The following RIMS2 variants were observed in gnomAD, a reference collection of about 807,000 sequenced individuals.
RIMS2 encodes the protein regulating synaptic membrane exocytosis protein 2.
In RIMS2, 59 loss-of-function variants were observed where a neutral mutation model predicts 174.4. That is an observed-to-expected ratio of 0.34 (90% CI 0.27 to 0.42). The LOEUF is 0.42. Among genes scored for constraint, RIMS2 ranks in the 10% least tolerant of loss-of-function variants. The pLI is 1.00. For missense variants in RIMS2, 1,620 were observed against 1,666.3 expected, an observed-to-expected ratio of 0.97 and a Z score of 0.48; for synonymous variants, 606 against 572.5, an observed-to-expected ratio of 1.06 and a Z score of -0.84.
Position 103,972,420 on chromosome 8 carries a change from C to T in RIMS2, c.2771-2930C>T, listed in dbSNP as rs576655003. Among the ~76,000 whole-genome samples, 21 of 152,294 alleles carry T rather than the reference C, an allele frequency of 1.4e-4. No individual in the cohort carries two copies. The South Asian group carries it at 3.9e-3, about 29-fold the overall frequency. ...ATCCTAGTTAAAGCTGCTGTTATTGCCTGTATGACTTACTACCTTGTCTAG... is the reference window on the plus strand; with the variant it reads ...ATCCTAGTTAAAGCTGCTGTTATTGTCTGTATGACTTACTACCTTGTCTAG... On this transcript the variant is annotated intron_variant, in intron 15 of 23. Transcript: ENST00000504942.
chr8:103,757,933 T>A (rs1309098782), intron 2 of RIMS2, among the ~76,000 whole-genome samples: 1 of 152,192 alleles, frequency 6.6e-6, no homozygotes, highest in African/African-American at 2.4e-5. Context: ...TTCTGAAGGA[T>A]CATGGCCCTG....
intron 19 of RIMS2, among the ~76,000 whole-genome samples, chr8:104,211,750 G>A (rs1036059807): frequency 6.6e-6 from 1 of 152,142 alleles, no homozygotes; most frequent in Non-Finnish European, 1.5e-5. Flanking sequence ...CTGACCTCAA[G>A]TGATCTGCCC....
chr8:103,674,436 C>A lies in RIMS2; in HGVS notation c.177-22650C>A, dbSNP rs2096783128. Among the ~76,000 whole-genome samples, 3 of 151,962 alleles carry A rather than the reference C, an allele frequency of 2.0e-5. No individual in the cohort carries two copies. The South Asian group carries it at 6.2e-4, about 32-fold the overall frequency. On this transcript the variant is annotated intron_variant, in intron 1 of 23. Transcript: ENST00000504942. ...TTTGACCACACAAGATTTTCATAAA[C>A]CTTTTATGATCTCTTAGAAAATTTT...
At chr8:103,999,075 G>A (rs2095270461) in intron 17 of RIMS2, among the ~76,000 whole-genome samples, 1 of 151,652 alleles carries the variant, frequency 6.6e-6, no homozygotes, top group South Asian at 2.1e-4. Flanking sequence ...GAAATAATGT[G>A]GTGGAAGGCT....
intron 9 of RIMS2, among the ~76,000 whole-genome samples, chr8:103,919,268 G>A (rs2077161081): frequency 1.3e-5 from 2 of 152,122 alleles, no homozygotes; most frequent in Admixed American, 6.6e-5. Context: ...ATCTTTCCAG[G>A]TACAGGATAG....
chr8:103,899,103 T>C (rs1184685768), intron 4 of RIMS2, among the ~76,000 whole-genome samples: 1 of 151,836 alleles, frequency 6.6e-6, no homozygotes, highest in Non-Finnish European at 1.5e-5. Flanking sequence ...TGCCACATTT[T>C]CTTAAACCAG....
At chr8:104,043,844 T>C (rs2096649088) in intron 19 of RIMS2, among the ~76,000 whole-genome samples, 1 of 151,502 alleles carries the variant, frequency 6.6e-6, no homozygotes, top group Non-Finnish European at 1.5e-5. Context: ...ATACAGACAA[T>C]GAAATTATTG....
intron 1 of RIMS2, among the ~76,000 whole-genome samples, chr8:103,519,529 C>T (rs1196868252): frequency 6.6e-6 from 1 of 152,114 alleles, no homozygotes; most frequent in Non-Finnish European, 1.5e-5. Flanking sequence ...TCTTACCCCA[C>T]AATTCTCATT....
intron 19 of RIMS2, among the ~76,000 whole-genome samples, chr8:104,150,549 A>G (rs1297999854): frequency 1.3e-5 from 2 of 152,300 alleles, no homozygotes; most frequent in South Asian, 2.1e-4. Context: ...ATGCCTCATC[A>G]GAGGTGTCAT....
intron 1 of RIMS2, among the ~76,000 whole-genome samples, chr8:103,593,230 G>T (rs1481456400): frequency 2.6e-5 from 4 of 151,380 alleles, no homozygotes; most frequent in South Asian, 2.1e-4. Context: ...TTTCTGATGA[G>T]ATCAGTGGTG....
chr8:103,552,257 T>C (rs1481773552), intron 1 of RIMS2, among the ~76,000 whole-genome samples: 1 of 152,136 alleles, frequency 6.6e-6, no homozygotes, highest in Non-Finnish European at 1.5e-5. Flanking sequence ...AACAGATATA[T>C]AGACCAATGG....
intron 3 of RIMS2, among the ~76,000 whole-genome samples, chr8:103,863,432 T>G (rs1168290720): frequency 5.3e-5 from 8 of 152,064 alleles, no homozygotes; most frequent in African/African-American, 1.9e-4. Context: ...TCTGCCAGAT[T>G]TTGGTATTAG....
chr8:104,044,268 T>C (rs1241175606), intron 19 of RIMS2, among the ~76,000 whole-genome samples: 3 of 151,584 alleles, frequency 2.0e-5, no homozygotes, highest in Non-Finnish European at 3.0e-5. Context: ...CTCAGGATAG[T>C]AGGGTTTTGA....
intron 19 of RIMS2, among the ~76,000 whole-genome samples, chr8:104,207,519 T>C (rs1182006166): frequency 2.0e-5 from 3 of 152,024 alleles, no homozygotes; most frequent in Non-Finnish European, 2.9e-5. Context: ...TAAAATATAT[T>C]TGTGGGCCAG....
At chr8:104,250,032 T>G (rs1308000583) in intron 22 of RIMS2, among the ~76,000 whole-genome samples, 1 of 152,218 alleles carries the variant, frequency 6.6e-6, no homozygotes, top group Non-Finnish European at 1.5e-5. Context: ...ATGCTGGATA[T>G]TCTAATTATA....
intron 19 of RIMS2, among the ~76,000 whole-genome samples, chr8:104,059,822 A>G (rs200478680): frequency 8.8e-4 from 134 of 152,118 alleles, no homozygotes; most frequent in Admixed American, 2.3e-3. Context: ...CATCTATTGA[A>G]ATAATCATGT....
At chr8:103,657,973 C>A (rs1467574221) in intron 1 of RIMS2, among the ~76,000 whole-genome samples, 1 of 152,184 alleles carries the variant, frequency 6.6e-6, no homozygotes, top group Non-Finnish European at 1.5e-5. Context: ...TTGAGTTCCA[C>A]CTTGAAGGAT....
At position 103,975,333 on chromosome 8, in the gene RIMS2, T is replaced by C; in HGVS notation, c.2771-17T>C. 6.3e-7 allele frequency: 1 copy of C among 1,588,788 alleles called. No individual in the cohort carries two copies. The highest frequency in any genetic ancestry group is 8.6e-7 in the Non-Finnish European group (1 of 1,159,418). ...GTACATACATAACTATAATATTTATTAATTTTCTACCTTTAGATTATCGAC... is the reference window on the plus strand; with the variant it reads ...GTACATACATAACTATAATATTTATCAATTTTCTACCTTTAGATTATCGAC... On this transcript the variant is annotated splice_polypyrimidine_tract_variant and intron_variant, in intron 15 of 23. Transcript: ENST00000504942.
intron 2 of RIMS2, among the ~76,000 whole-genome samples, chr8:103,763,805 A>T (rs2098137965): frequency 6.6e-6 from 1 of 152,208 alleles, no homozygotes; most frequent in Non-Finnish European, 1.5e-5. Context: ...TTTGGGCTCC[A>T]CAGAAACAAT....
Sources: gnomAD v4.1 joint callset for allele counts (sites outside exome capture counted in the v4.1 genomes callset) on GRCh38, gnomAD v4.1.1 for gene constraint, MANE v1.5 for transcripts, NCBI Gene and HGNC (gene_info 2026-07-23, HGNC 2026-07-21) for gene names.